The following SND1 variants were observed in gnomAD, a reference collection of about 807,000 sequenced individuals.
SND1 encodes the protein staphylococcal nuclease domain-containing protein 1.
A neutral mutation model predicts 121.7 loss-of-function variants in SND1; 38 were observed. That is an observed-to-expected ratio of 0.31 (90% CI 0.24 to 0.41). SND1 has a LOEUF of 0.41. Among genes scored for constraint, SND1 ranks in the 10% least tolerant of loss-of-function variants. The pLI is 1.00. For missense variants in SND1, 868 were observed against 1,184.6 expected (o/e 0.73, Z 3.92); for synonymous variants, 401 against 447.4 (o/e 0.90, Z 1.31).
At chr7:127,980,787 G>T (rs2116900961) in intron 15 of SND1, among the ~76,000 whole-genome samples, 1 of 152,288 alleles carries the variant, frequency 6.6e-6, no homozygotes, top group Admixed American at 6.5e-5. Flanking sequence ...GTGTGTGCCA[G>T]AATACCTCAT....
chr7:127,844,404 C>G lies in SND1; in HGVS notation c.1323C>G (p.Ala441=). Residue 441 remains alanine, a synonymous_variant, in exon 12 of 24, where the codon GCC becomes GCG. Coordinates refer to ENST00000354725, the MANE Select transcript of SND1 (RefSeq NM_014390.4). ...TVPAFSERTC[A]TVTIGGINIA... is the part of the protein sequence containing the mutation. Reference sequence around the variant, plus strand: ...CTGCCTTTTCAGAGCGTACCTGTGCCACTGTCACCATTGGAGGAATGTGAG... The same window carrying G: ...CTGCCTTTTCAGAGCGTACCTGTGCGACTGTCACCATTGGAGGAATGTGAG... The G allele has an allele frequency of 6.2e-7, 1 of 1,613,318 alleles. No individual in the cohort carries two copies. The highest frequency in any genetic ancestry group is 8.5e-7 in the Non-Finnish European group (1 of 1,179,608).
At chr7:128,054,752 C>T (rs952474624) in intron 16 of SND1, among the ~76,000 whole-genome samples, 8 of 152,194 alleles carry the variant, frequency 5.3e-5, no homozygotes, top group Non-Finnish European at 8.8e-5. Context: ...CTGCCTGCCT[C>T]GTGACCTACA....
chr7:128,060,110 A>G lies in SND1; in HGVS notation c.1780-14392A>G, dbSNP rs1793206964. On this transcript the variant is annotated intron_variant, in intron 16 of 23. Transcript: ENST00000354725. ...TTGCCCCTTGCAAGCAGTTGCAGCT[A>G]TTTTCATTATGTACTCCTTGATAAC... Among the ~76,000 whole-genome samples, 3 of 152,120 alleles carry G rather than the reference A, an allele frequency of 2.0e-5. No homozygotes were observed. In the South Asian group the frequency reaches 6.2e-4, roughly 32 times the overall value.
intron 16 of SND1, among the ~76,000 whole-genome samples, chr7:128,049,237 GAAGTC>G (rs1562882329): frequency 6.6e-6 from 1 of 152,082 alleles, no homozygotes; most frequent in Non-Finnish European, 1.5e-5. Flanking sequence ...CACAATTGAT[GAAGTC>G]AAGTCTGGGG....
chr7:127,882,546 C>T (rs1476868144), intron 12 of SND1, among the ~76,000 whole-genome samples: 1 of 151,992 alleles, frequency 6.6e-6, no homozygotes, highest in Non-Finnish European at 1.5e-5. Context: ...TAATCAAGGA[C>T]GATAACTTTC....
intron 4 of SND1, among the ~76,000 whole-genome samples, chr7:127,700,398 A>G (rs1167682121): frequency 6.6e-6 from 1 of 152,200 alleles, no homozygotes; most frequent in African/African-American, 2.4e-5. Flanking sequence ...CTTGCTTAGG[A>G]GTCCCTCCTG....
chr7:128,063,844 G>A (rs1025969617), intron 16 of SND1, among the ~76,000 whole-genome samples: 2 of 152,220 alleles, frequency 1.3e-5, no homozygotes, highest in African/African-American at 2.4e-5. Flanking sequence ...GCCAAGGCCT[G>A]GAACCATGCA....
In SND1 at chr7:128,085,134, G is replaced by A. The variant is rs555467299; in HGVS notation, c.2234+287G>A. Among the ~76,000 whole-genome samples the A allele has an allele frequency of 2.0e-5, 3 of 152,242 alleles. No individual in the cohort carries two copies. The highest frequency in any genetic ancestry group is 6.5e-5 in the Admixed American group (1 of 15,294). ...GGCTGGCTGGCCGGCCGGCCAGGCTGTCCAGCACACCCCTCACCCCACCCA... is the reference window on the plus strand; with the variant it reads ...GGCTGGCTGGCCGGCCGGCCAGGCTATCCAGCACACCCCTCACCCCACCCA... On this transcript the variant is annotated intron_variant, in intron 19 of 23. Coordinates refer to ENST00000354725, the MANE Select transcript of SND1 (RefSeq NM_014390.4). This position sits in a 1 kb window ranked among gnomAD's most constrained non-coding sequence, Gnocchi z 4.4.
intron 1 of SND1, among the ~76,000 whole-genome samples, chr7:127,660,198 T>A (rs545127758): frequency 2.6e-5 from 4 of 151,940 alleles, no homozygotes; most frequent in Admixed American, 6.6e-5. Context: ...CTAGTGGGAG[T>A]GTTGCTTGAG....
At chr7:128,032,318 CT>C (rs1792648817) in intron 16 of SND1, among the ~76,000 whole-genome samples, 3 of 151,094 alleles carry the variant, frequency 2.0e-5, no homozygotes, top group Admixed American at 6.6e-5. Context: ...CCCCTCCCCC[CT>C]CCCCCCTCCC....
intron 12 of SND1, among the ~76,000 whole-genome samples, chr7:127,866,741 G>GC (rs1180177156): frequency 2.6e-5 from 4 of 152,036 alleles, no homozygotes; most frequent in East Asian, 3.9e-4. Context: ...TGTCCACCAA[G>GC]CCCCCCTACT....
chr7:127,810,145 G>A (rs996646504), intron 11 of SND1, among the ~76,000 whole-genome samples: 1 of 152,154 alleles, frequency 6.6e-6, no homozygotes, highest in South Asian at 2.1e-4. Context: ...GTGCATCAGC[G>A]TGCGACTAAT....
chr7:128,076,504 G>A (rs571246448), intron 17 of SND1, among the ~76,000 whole-genome samples: 1 of 152,154 alleles, frequency 6.6e-6, no homozygotes, highest in East Asian at 1.9e-4. Context: ...TCCTGGAGGG[G>A]CTGTTTCCCA....
chr7:127,784,688 T>C (rs561743543), intron 10 of SND1, among the ~76,000 whole-genome samples: 75 of 152,348 alleles, frequency 4.9e-4, no homozygotes, highest in African/African-American at 1.6e-3. Flanking sequence ...TTCACAGTCC[T>C]GTATTTTTGA....
At chr7:127,727,237 C>A (rs894675650) in intron 10 of SND1, among the ~76,000 whole-genome samples, 2 of 152,206 alleles carry the variant, frequency 1.3e-5, no homozygotes, top group African/African-American at 4.8e-5. Flanking sequence ...CCTGGCCCGC[C>A]TGGCTCTCCA....
intron 12 of SND1, among the ~76,000 whole-genome samples, chr7:127,872,105 T>C (rs939108995): frequency 4.6e-5 from 7 of 152,320 alleles, no homozygotes; most frequent in Non-Finnish European, 1.0e-4. Context: ...TACTCCAGCC[T>C]GGGCAACAAA....
At chr7:127,781,381 G>T (rs1051348940) in intron 10 of SND1, among the ~76,000 whole-genome samples, 2 of 150,938 alleles carry the variant, frequency 1.3e-5, no homozygotes, top group Non-Finnish European at 2.9e-5. Flanking sequence ...GTTCCTCCCC[G>T]CCCCCCCTTC....
intron 10 of SND1, among the ~76,000 whole-genome samples, chr7:127,800,387 C>A (rs1284066064): frequency 2.6e-5 from 4 of 152,108 alleles, no homozygotes; most frequent in Non-Finnish European, 4.4e-5. Flanking sequence ...TTGTTTTTGA[C>A]CCTGTTTATA....
At chr7:127,665,138 G>C (rs1795390080) in intron 1 of SND1, among the ~76,000 whole-genome samples, 1 of 151,882 alleles carries the variant, frequency 6.6e-6, no homozygotes, top group Non-Finnish European at 1.5e-5. Flanking sequence ...CTCCTGCAGT[G>C]GTTTTGACAT....
Sources: gnomAD v4.1 joint callset for allele counts (sites outside exome capture counted in the v4.1 genomes callset) on GRCh38, gnomAD v4.1.1 for gene constraint, Gnocchi (gnomAD v3.1) non-coding constraint, MANE v1.5 for transcripts, NCBI Gene and HGNC (gene_info 2026-07-23, HGNC 2026-07-21) for gene names.